CTSB: variants seen among roughly 807,000 people sequenced by gnomAD.
CTSB encodes APP secretase.
Under a neutral mutation model 44.3 loss-of-function variants are expected in CTSB, and 57 were observed. The observed-to-expected ratio is 1.29, with a 90% confidence interval of 1.04 to 1.60. The LOEUF is 1.60. Ranked by LOEUF, CTSB falls within the 40% of genes most tolerant of loss-of-function variation. The probability of loss-of-function intolerance (pLI) is 0.00; values close to 1 mark genes in which losing one functional copy is unlikely to be tolerated. For synonymous variants in CTSB, 320 were observed against 168.0 expected (o/e 1.91, Z -7.00); for missense variants, 768 against 443.0 (o/e 1.73, Z -6.59).
At chr8:11,850,649 C>T (rs977409473) in intron 4 of CTSB, 2 of 428,904 alleles carry the variant, frequency 4.7e-6, no homozygotes, top group African/African-American at 2.0e-5. Flanking sequence ...TACACGTGGA[C>T]TTGCAATCTG....
At position 11,847,706 on chromosome 8, in the gene CTSB, G is replaced by C. The variant is rs1041693804; in HGVS notation, c.649C>G (p.Pro217Ala). 1 of 1,585,990 alleles carries C rather than the reference G, an allele frequency of 6.3e-7. No homozygotes were observed. Among genetic ancestry groups the C allele is most frequent in the Non-Finnish European group, 8.6e-7 (1 of 1,168,390 alleles). Residue 217 changes from proline (P) to alanine (A), a missense_variant, in exon 7 of 10, where the codon CCG becomes GCG. Pro to Ala is a conservative substitution (Grantham distance 27). Coordinates refer to ENST00000353047, the MANE Select transcript of CTSB (RefSeq NM_001908.5). ...CSKICEPGYS[P>A]TYKQDKHYGY... The stretch of plus-strand genomic sequence containing the variant: ...TAGTGCTTGTCCTGTTTGTAGGTCG[G>C]GCTGTAGCCAGGCTCACAGATCTTG...
chr8:11,842,966 T>C lies in CTSB; in HGVS notation c.*2159A>G, dbSNP rs1812528374. ...TTTTTTTTTTTTTTTTTTTAATTAT[T>C]GAGACGGAGCCTTGCGCTGTCACCG... On this transcript the variant is annotated 3_prime_UTR_variant, in exon 10 of 10. Coordinates refer to ENST00000353047, the MANE Select transcript of CTSB (RefSeq NM_001908.5). The C allele has an allele frequency of 8.5e-6, 1 of 118,146 alleles. No individual in the cohort carries two copies. The highest frequency in any genetic ancestry group is 2.7e-4 in the South Asian group (1 of 3,714). The allele number at this position is 118,146 out of a possible 1,614,324, so 7.3% of individuals were successfully genotyped here. A position where few individuals can be genotyped will look rare whatever the true frequency, so the allele number is the denominator to read the frequency against.
At chr8:11,853,157 A>C (rs959415767) in intron 2 of CTSB, among the ~76,000 whole-genome samples, 172 bp downstream of exon 2, 1 of 152,000 alleles carries the variant, frequency 6.6e-6, no homozygotes, top group Non-Finnish European at 1.5e-5. Context: ...GGTATGGGAC[A>C]AAGGAGGGAG....
intron 1 of CTSB, among the ~76,000 whole-genome samples, chr8:11,859,812 C>T (rs1057454941): frequency 2.0e-4 from 28 of 139,720 alleles, no homozygotes; most frequent in Non-Finnish European, 3.7e-4. Context: ...CAATGGCTCA[C>T]GCATGTAATC....
At chr8:11,853,985 T>C (rs1815076295) in intron 1 of CTSB, among the ~76,000 whole-genome samples, 1 of 152,128 alleles carries the variant, frequency 6.6e-6, no homozygotes, top group Non-Finnish European at 1.5e-5. Flanking sequence ...GGGGCTGGGC[T>C]GGCCATCCAC....
intron 1 of CTSB, among the ~76,000 whole-genome samples, chr8:11,859,767 C>CCA (rs1816099179): frequency 2.6e-5 from 1 of 38,978 alleles, no homozygotes; most frequent in Non-Finnish European, 3.9e-5. Context: ...GACTCTGTCT[C>CCA]AAAAAAAAAA....
At chr8:11,865,170 T>C (rs990994022) in intron 1 of CTSB, among the ~76,000 whole-genome samples, 39 of 152,162 alleles carry the variant, frequency 2.6e-4, no homozygotes, top group African/African-American at 8.9e-4. Context: ...CATCTCCCTT[T>C]ACATGGACCA....
Position 11,860,244 on chromosome 8 carries a change from G to C in CTSB, c.-25-6765C>G, listed in dbSNP as rs539391224. On this transcript the variant is annotated intron_variant, in intron 1 of 9. Coordinates refer to ENST00000353047, the MANE Select transcript of CTSB (RefSeq NM_001908.5). The stretch of plus-strand genomic sequence containing the variant: ...GACAAAAAAAGTGAAAGAATTCTTA[G>C]CAAAGCTGTCATGCAGTATTTTGCT... 2.6e-5 allele frequency among the ~76,000 whole-genome samples: 4 copies of C among 152,278 alleles called. No homozygotes were observed. In the East Asian group the frequency reaches 7.7e-4, roughly 29 times the overall value.
At chr8:11,851,726 G>A (rs1814630001) in intron 3 of CTSB, among the ~76,000 whole-genome samples, 1 of 151,936 alleles carries the variant, frequency 6.6e-6, no homozygotes, top group African/African-American at 2.4e-5. Context: ...GTGGGAAGTG[G>A]CATCATCTCA....
At chr8:11,845,822 CG>C in intron 8 of CTSB, 33 bp from the exon 9 acceptor site, 1 of 1,588,440 alleles carries the variant, frequency 6.3e-7, no homozygotes, top group Non-Finnish European at 8.6e-7. Flanking sequence ...AGACCGAGAC[CG>C]GGCCACTGTC....
intron 1 of CTSB, among the ~76,000 whole-genome samples, chr8:11,866,168 G>A (rs527988136): frequency 6.6e-6 from 1 of 152,092 alleles, no homozygotes; most frequent in Non-Finnish European, 1.5e-5. Context: ...CCTAAAATGG[G>A]TGCAACTTCT....
At chr8:11,862,006 G>C (rs1451215965) in intron 1 of CTSB, among the ~76,000 whole-genome samples, 2 of 152,088 alleles carry the variant, frequency 1.3e-5, no homozygotes, top group South Asian at 2.1e-4. Context: ...AGGAGATCGA[G>C]ACCATCCTGG....
chr8:11,857,109 T>C (rs969857265), intron 1 of CTSB, among the ~76,000 whole-genome samples: 1 of 152,310 alleles, frequency 6.6e-6, no homozygotes, highest in African/African-American at 2.4e-5. Context: ...CTGAAACCTC[T>C]ACCTCCCAGG....
intron 1 of CTSB, among the ~76,000 whole-genome samples, chr8:11,865,852 C>T (rs6990926): frequency 0.035 from 2,968 of 84,230 alleles, 44 homozygotes; most frequent in Middle Eastern, 0.079. Context: ...ACTAAAAATA[C>T]AAAAAAAAAA....
intron 4 of CTSB, 72 bp downstream of exon 4, chr8:11,850,794 A>G (rs957330832): frequency 1.8e-5 from 20 of 1,094,032 alleles, no homozygotes; most frequent in Non-Finnish European, 2.7e-5. Flanking sequence ...CCCCACCCCG[A>G]ATCCCCCAAG....
intron 2 of CTSB, 29 bp from the exon 3 acceptor site, chr8:11,852,724 G>C: frequency 6.2e-7 from 1 of 1,605,528 alleles, no homozygotes; most frequent in Non-Finnish European, 8.5e-7. Context: ...CTGACTGAAG[G>C]GTCTCCCGGG....
At chr8:11,846,667 C>T (rs552512837) in intron 8 of CTSB, among the ~76,000 whole-genome samples, 22 of 152,284 alleles carry the variant, frequency 1.4e-4, no homozygotes, top group African/African-American at 4.3e-4. Context: ...CAAACACGAA[C>T]GGCCTGCCAT....
chr8:11,853,390 G>T lies in CTSB; in HGVS notation c.65C>A (p.Ser22Tyr). The T allele has an allele frequency of 6.2e-7, 1 of 1,612,970 alleles. No individual in the cohort carries two copies. The highest frequency in any genetic ancestry group is 8.5e-7 in the Non-Finnish European group (1 of 1,179,760). ...CAGCTCATCCGACAGGGGATGGAAAGAGGGCCTGCTCCGGGCATTGGCCAA... is the reference window on the plus strand; with the variant it reads ...CAGCTCATCCGACAGGGGATGGAAATAGGGCCTGCTCCGGGCATTGGCCAA... ...LVLANARSRPSFHPLSDELVN... is the reference protein window; with the variant it reads ...LVLANARSRPYFHPLSDELVN... Residue 22 changes from serine to tyrosine, a missense_variant, in exon 2 of 10, where the codon TCT becomes TAT. By Grantham distance (144) the Ser-to-Tyr change is moderately radical (BLOSUM62 -2). Transcript: ENST00000353047.
intron 1 of CTSB, among the ~76,000 whole-genome samples, chr8:11,859,217 C>G (rs1176200902): frequency 3.9e-5 from 6 of 152,192 alleles, no homozygotes; most frequent in Non-Finnish European, 5.9e-5. Flanking sequence ...TCCACCCCGG[C>G]TCTGTAGAAC....
Sources: gnomAD v4.1 joint callset for allele counts (sites outside exome capture counted in the v4.1 genomes callset) on GRCh38, gnomAD v4.1.1 for gene constraint, MANE v1.5 for transcripts, NCBI Gene and HGNC (gene_info 2026-07-23, HGNC 2026-07-21) for gene names.